Variants in NTRK2 observed in about 807,000 individuals in gnomAD.
NTRK2 encodes the protein BDNF/NT-3 growth factors receptor.
A neutral mutation model predicts 94.5 loss-of-function variants in NTRK2; 13 were observed. That is an observed-to-expected ratio of 0.14 (90% CI 0.09 to 0.22). The LOEUF is 0.22. NTRK2 is among the 10% of genes least tolerant of loss of function. The probability of loss-of-function intolerance (pLI) is 1.00; values close to 1 mark genes in which losing one functional copy is unlikely to be tolerated. For missense variants in NTRK2, 639 were observed against 1,071.2 expected, an observed-to-expected ratio of 0.60 and a Z score of 5.63; for synonymous variants, 372 against 407.4, an observed-to-expected ratio of 0.91 and a Z score of 1.05.
Position 84,948,351 on chromosome 9 carries a change from G to A in NTRK2, c.1765-111G>A, listed in dbSNP as rs965016341. 1.9e-5 allele frequency: 21 copies of A among 1,101,476 alleles called. No homozygotes were observed. In the African/African-American group the frequency reaches 2.3e-4, roughly 12 times the overall value. 68.2% of individuals were successfully genotyped at this position (1,101,476 alleles called of 1,614,324 possible). A position where few individuals can be genotyped will look rare whatever the true frequency, so the allele number is the denominator to read the frequency against. ...ATTAGCACAAATGTTATTTCCTTAG[G>A]AACTAGGCTGTTTTCTCATCTTTTG... is the stretch of plus-strand genomic sequence containing the variant. On this transcript the variant is annotated intron_variant, in intron 15 of 18. Transcript: ENST00000277120.
At chr9:85,000,154 C>G (rs1353920283) in intron 17 of NTRK2, among the ~76,000 whole-genome samples, 2 of 152,056 alleles carry the variant, frequency 1.3e-5, no homozygotes, top group African/African-American at 2.4e-5. Flanking sequence ...ACATATACCC[C>G]CTGCCCCTCA....
chr9:84,940,220 G>T (rs1346025588), intron 15 of NTRK2, among the ~76,000 whole-genome samples: 2 of 152,198 alleles, frequency 1.3e-5, no homozygotes, highest in Admixed American at 1.3e-4. Context: ...AAGGGAGAAA[G>T]AAATCTGACA....
intron 12 of NTRK2, among the ~76,000 whole-genome samples, chr9:84,853,929 A>G (rs2074919129): frequency 6.6e-6 from 1 of 151,996 alleles, no homozygotes; most frequent in Admixed American, 6.6e-5. Flanking sequence ...AAAATACAAA[A>G]ATTAGCCAGG....
At chr9:84,754,929 A>G (rs1399940575) in intron 12 of NTRK2, among the ~76,000 whole-genome samples, 4 of 152,228 alleles carry the variant, frequency 2.6e-5, no homozygotes, top group African/African-American at 7.2e-5. Flanking sequence ...ACTCGAGAAT[A>G]TAAATGACAG....
intron 5 of NTRK2, among the ~76,000 whole-genome samples, chr9:84,709,771 A>G (rs2061318067): frequency 6.6e-6 from 1 of 152,200 alleles, no homozygotes. Context: ...AGTATTACAA[A>G]TAAGCATTTA....
rs527861649 is a variant in NTRK2, at chr9:85,021,702, CT to C, written c.*275del. 474 of 441,864 alleles carry C rather than the reference CT, an allele frequency of 1.1e-3. No homozygotes were observed. Among genetic ancestry groups the C allele is most frequent in the South Asian group, 2.1e-3 (79 of 37,956 alleles). 27.4% of individuals were successfully genotyped at this position (441,864 alleles called of 1,614,324 possible). A position where few individuals can be genotyped will look rare whatever the true frequency, so the allele number is the denominator to read the frequency against. ...TTTTCTTTTTTTAAATTTTCTTTTTCTTTTTTTTTTCGTCTTCCCTGCTTCA... is the reference window on the plus strand; with the variant it reads ...TTTTCTTTTTTTAAATTTTCTTTTTCTTTTTTTTTCGTCTTCCCTGCTTCA... On this transcript the variant is annotated 3_prime_UTR_variant, in exon 19 of 19. Transcript: ENST00000277120.
At chr9:84,824,344 A>C (rs1194273857) in intron 12 of NTRK2, among the ~76,000 whole-genome samples, 1 of 152,240 alleles carries the variant, frequency 6.6e-6, no homozygotes, top group Non-Finnish European at 1.5e-5. Context: ...CAGAATTCAG[A>C]AACTGATCTT....
At chr9:84,873,230 A>G (rs2075934284) in intron 14 of NTRK2, 1 of 1,061,168 alleles carries the variant, frequency 9.4e-7, no homozygotes, top group African/African-American at 1.6e-5. Flanking sequence ...TTTCAAAAAT[A>G]TATTTTCTCC....
intron 9 of NTRK2, among the ~76,000 whole-genome samples, chr9:84,736,752 A>G (rs1183319010): frequency 6.6e-6 from 1 of 152,240 alleles, no homozygotes; most frequent in Non-Finnish European, 1.5e-5. Flanking sequence ...AGGAATTGCC[A>G]GAGCCAATGC....
chr9:84,807,925 G>T (rs2071308639), intron 12 of NTRK2, among the ~76,000 whole-genome samples: 1 of 152,192 alleles, frequency 6.6e-6, no homozygotes, highest in Non-Finnish European at 1.5e-5. Flanking sequence ...TGCCTTCTTT[G>T]AGGTGAAGGG....
intron 12 of NTRK2, among the ~76,000 whole-genome samples, chr9:84,799,018 A>G (rs2070038503): frequency 6.6e-6 from 1 of 151,400 alleles, no homozygotes. Context: ...AACTGAGGCA[A>G]CTTGCCCAAG....
intron 12 of NTRK2, among the ~76,000 whole-genome samples, chr9:84,762,392 G>A: frequency 6.6e-6 from 1 of 152,182 alleles, no homozygotes; most frequent in East Asian, 1.9e-4. Context: ...TTTGTTTGAA[G>A]TAAATCCTTG....
intron 17 of NTRK2, among the ~76,000 whole-genome samples, chr9:85,008,027 T>G (rs976948890): frequency 6.6e-6 from 1 of 152,160 alleles, no homozygotes; most frequent in Non-Finnish European, 1.5e-5. Context: ...CGGGAATGTC[T>G]TTGAAGAACC....
intron 14 of NTRK2, chr9:84,873,326 T>A: frequency 9.4e-7 from 1 of 1,058,656 alleles, no homozygotes; most frequent in Admixed American, 5.4e-5. Context: ...AAAAATAAGC[T>A]AAGTCCATTC....
intron 12 of NTRK2, among the ~76,000 whole-genome samples, chr9:84,859,376 A>G (rs2075224135): frequency 6.6e-6 from 1 of 152,228 alleles, no homozygotes; most frequent in African/African-American, 2.4e-5. Flanking sequence ...GAGACCTGGC[A>G]TAGTGTTGTA....
chr9:84,766,966 C>A (rs967336135), intron 12 of NTRK2, among the ~76,000 whole-genome samples: 7 of 152,114 alleles, frequency 4.6e-5, no homozygotes, highest in African/African-American at 1.7e-4. Context: ...TAGGTGTCTG[C>A]GGTTCCCCTG....
intron 12 of NTRK2, among the ~76,000 whole-genome samples, chr9:84,788,651 T>G (rs2133162387): frequency 6.6e-6 from 1 of 152,008 alleles, no homozygotes; most frequent in Non-Finnish European, 1.5e-5. Flanking sequence ...GGTGGGGTGT[T>G]CTGTGGGAAC....
intron 12 of NTRK2, among the ~76,000 whole-genome samples, chr9:84,786,346 C>T (rs779072698): frequency 1.1e-4 from 16 of 152,162 alleles, no homozygotes; most frequent in South Asian, 2.1e-4. Flanking sequence ...GACTGAGATA[C>T]GAAGAGGTGC....
At chr9:84,997,792 G>A (rs751679250) in intron 17 of NTRK2, among the ~76,000 whole-genome samples, 1 of 152,130 alleles carries the variant, frequency 6.6e-6, no homozygotes, top group Non-Finnish European at 1.5e-5. Flanking sequence ...GCTGGGGGGT[G>A]TTCAGCCATG....
Sources: allele counts gnomAD v4.1 joint callset (sites outside exome capture counted in the v4.1 genomes callset), GRCh38; gene constraint gnomAD v4.1.1; transcripts MANE v1.5; gene names NCBI Gene and HGNC (gene_info 2026-07-23, HGNC 2026-07-21).